UBXN4: variants seen among roughly 807,000 people sequenced by gnomAD.
UBXN4 encodes UBX domain protein 4, also known as UBX domain-containing protein 4.
A neutral mutation model predicts 66.2 loss-of-function variants in UBXN4; 35 were observed. That is an observed-to-expected ratio of 0.53 (90% CI 0.40 to 0.70). UBXN4 has a LOEUF of 0.70. UBXN4 is among the 30% of genes least tolerant of loss of function. The pLI is 0.00. For missense variants in UBXN4, 533 were observed against 599.8 expected, an observed-to-expected ratio of 0.89 and a Z score of 1.16; for synonymous variants, 203 against 204.5, an observed-to-expected ratio of 0.99 and a Z score of 0.06.
rs59946844 is a variant in UBXN4, at chr2:135,745,875, C to CT, written c.83-2371dup. Among the ~76,000 whole-genome samples the CT allele has an allele frequency of 2.9e-3, 217 of 74,390 alleles. 30 individuals are homozygous for CT. The highest frequency in any genetic ancestry group is 0.018 in the Middle Eastern group (1 of 56). 48.8% of individuals were successfully genotyped at this position (74,390 alleles called of 152,430 possible). On this transcript the variant is annotated intron_variant, in intron 1 of 12. Transcript: ENST00000272638. ...TGTGGATGCATTCTAGTCCCGTTTACTTTTTTTTTTTTTTTTTTTTTGAGA... is the reference window on the plus strand; with the variant it reads ...TGTGGATGCATTCTAGTCCCGTTTACTTTTTTTTTTTTTTTTTTTTTTGAGA...
At chr2:135,762,686 T>C (rs1379821983) in intron 6 of UBXN4, among the ~76,000 whole-genome samples, 2 of 152,184 alleles carry the variant, frequency 1.3e-5, no homozygotes, top group Admixed American at 1.3e-4. Context: ...CTGATTGTTC[T>C]TTGTAGGGGA....
At chr2:135,749,674 T>C (rs1326789500) in intron 2 of UBXN4, among the ~76,000 whole-genome samples, 1 of 152,222 alleles carries the variant, frequency 6.6e-6, no homozygotes, top group East Asian at 1.9e-4. Context: ...TATTAATACT[T>C]CACAAACTAA....
rs375880802 is a variant in UBXN4, at chr2:135,773,358, G to A, written c.950+811G>A. 3.9e-5 allele frequency among the ~76,000 whole-genome samples: 6 copies of A among 152,162 alleles called. No individual in the cohort carries two copies. The East Asian group carries it at 7.7e-4, about 20-fold the overall frequency. Reference sequence around the variant, plus strand: ...AAACTCTCCAAATGGTGTCAGGAGAGCCCAGCACCTCCTGGCACTTTCAGG... The same window carrying A: ...AAACTCTCCAAATGGTGTCAGGAGAACCCAGCACCTCCTGGCACTTTCAGG... On this transcript the variant is annotated intron_variant, in intron 9 of 12. Transcript: ENST00000272638.
At chr2:135,749,705 A>G (rs2077230492) in intron 2 of UBXN4, among the ~76,000 whole-genome samples, 1 of 152,248 alleles carries the variant, frequency 6.6e-6, no homozygotes, top group Admixed American at 6.5e-5. Context: ...TTAATATCAA[A>G]TAACCAGCCA....
intron 6 of UBXN4, among the ~76,000 whole-genome samples, chr2:135,764,078 C>A (rs1421078167): frequency 6.6e-6 from 1 of 152,088 alleles, no homozygotes; most frequent in Non-Finnish European, 1.5e-5. Context: ...GAGCCAAGGT[C>A]ATGCCACTAC....
At position 135,779,908 on chromosome 2, in the gene UBXN4, TATA is replaced by T. The variant is rs1404054070; in HGVS notation, c.1186-271_1186-269del. 2.8e-5 allele frequency among the ~76,000 whole-genome samples: 4 copies of T among 145,068 alleles called. No homozygotes were observed. The East Asian group carries it at 5.9e-4, about 22-fold the overall frequency. On this transcript the variant is annotated intron_variant, in intron 11 of 12. Transcript: ENST00000272638. ...AATATATTATATAAAATATAATATA[TATA>T]ATATATAAAATAATTGTATACTATA...
At chr2:135,757,548 G>T (rs1046600066) in intron 5 of UBXN4, among the ~76,000 whole-genome samples, 1 of 152,114 alleles carries the variant, frequency 6.6e-6, no homozygotes, top group Non-Finnish European at 1.5e-5. Context: ...GGATTGGCTT[G>T]TGTTGATCAC....
chr2:135,747,429 A>G (rs2077215363), intron 1 of UBXN4, among the ~76,000 whole-genome samples: 1 of 151,648 alleles, frequency 6.6e-6, no homozygotes, highest in East Asian at 1.9e-4. Context: ...CAAGGTAGCC[A>G]CTATACTGAA....
chr2:135,773,741 A>G (rs903711002), intron 9 of UBXN4, among the ~76,000 whole-genome samples: 16 of 152,350 alleles, frequency 1.1e-4, no homozygotes, highest in African/African-American at 3.8e-4. Context: ...TCATATTTCC[A>G]TATTGGACAG....
chr2:135,747,720 C>T, intron 1 of UBXN4: 2 of 455,996 alleles, frequency 4.4e-6, no homozygotes, highest in Non-Finnish European at 8.8e-6. Context: ...CTGCAACTTC[C>T]ACCTTCCGAG....
Position 135,770,556 on chromosome 2 carries a change from T to G in UBXN4, c.658-15T>G. 7.0e-7 allele frequency: 1 copy of G among 1,428,260 alleles called. No homozygotes were observed. The highest frequency in any genetic ancestry group is 9.2e-7 in the Non-Finnish European group (1 of 1,081,526). 88.5% of individuals were successfully genotyped at this position (1,428,260 alleles called of 1,614,324 possible). The stretch of plus-strand genomic sequence containing the variant: ...TATCAAGTTTTTGGATCATAAAACT[T>G]TTTCTTTAATTCAGAGAGAAATTAA... On this transcript the variant is annotated splice_polypyrimidine_tract_variant and intron_variant, in intron 7 of 12. Transcript: ENST00000272638.
chr2:135,752,428 C>G (rs1204532344), intron 2 of UBXN4, among the ~76,000 whole-genome samples: 3 of 152,206 alleles, frequency 2.0e-5, no homozygotes, highest in African/African-American at 7.2e-5. Context: ...GTCCACCTGC[C>G]TTGACCTCCC....
rs1044085548 is a variant in UBXN4 at position 135,783,889 on chromosome 2, C to T, written c.*1002C>T. The T allele has an allele frequency of 6.6e-6, 1 of 152,074 alleles. No individual in the cohort carries two copies. Among genetic ancestry groups the T allele is most frequent in the Non-Finnish European group, 1.5e-5 (1 of 68,024 alleles). 9.4% of individuals were successfully genotyped at this position (152,074 alleles called of 1,614,324 possible). A position where few individuals can be genotyped will look rare whatever the true frequency, so the allele number is the denominator to read the frequency against. ...TCCGTATGTCTTTGTTAGTGGAGAC[C>T]GCTAAACTAATGATGTTTGAAAACA... On this transcript the variant is annotated 3_prime_UTR_variant, in exon 13 of 13. Transcript: ENST00000272638.
chr2:135,771,884 C>G (rs2105505679), intron 8 of UBXN4, among the ~76,000 whole-genome samples: 1 of 152,234 alleles, frequency 6.6e-6, no homozygotes, highest in East Asian at 1.9e-4. Flanking sequence ...TTATTATGTA[C>G]CAGACCTTGT....
intron 5 of UBXN4, among the ~76,000 whole-genome samples, chr2:135,756,709 CAT>C (rs758490086): frequency 1.1e-4 from 17 of 152,136 alleles, no homozygotes; most frequent in East Asian, 5.8e-4. Context: ...AAGATAGACA[CAT>C]GTTTCCCTCT....
chr2:135,776,863 G>A (rs2077418168), intron 10 of UBXN4, among the ~76,000 whole-genome samples: 1 of 152,178 alleles, frequency 6.6e-6, no homozygotes, highest in Non-Finnish European at 1.5e-5. Context: ...CAGTGCGTTG[G>A]GATTACAGGC....
chr2:135,748,928 C>CG (rs1466270527), intron 2 of UBXN4, among the ~76,000 whole-genome samples: 1 of 149,878 alleles, frequency 6.7e-6, no homozygotes, highest in African/African-American at 2.5e-5. Context: ...CCCAGCTACT[C>CG]GGGGGGCTGA....
At chr2:135,778,169 T>C (rs1192371480) in intron 10 of UBXN4, among the ~76,000 whole-genome samples, 1 of 135,574 alleles carries the variant, frequency 7.4e-6, no homozygotes, top group Non-Finnish European at 1.5e-5. Context: ...AGAGCAAGAC[T>C]GTCTCAAAAA....
chr2:135,746,118 C>T (rs895898089), intron 1 of UBXN4, among the ~76,000 whole-genome samples: 5 of 151,942 alleles, frequency 3.3e-5, no homozygotes, highest in Admixed American at 2.6e-4. Flanking sequence ...CCTCGTGATC[C>T]GTCCGCCTAA....
Sources: gnomAD v4.1 joint callset for allele counts (sites outside exome capture counted in the v4.1 genomes callset) on GRCh38, gnomAD v4.1.1 for gene constraint, MANE v1.5 for transcripts, NCBI Gene and HGNC (gene_info 2026-07-23, HGNC 2026-07-21) for gene names.